The following TTC29 variants were observed in gnomAD, a reference collection of about 807,000 sequenced individuals.
The protein encoded by TTC29 is tetratricopeptide repeat domain 29, also known as tetratricopeptide repeat protein 29.
In TTC29, 49 loss-of-function variants were observed where a neutral mutation model predicts 58.1. That is an observed-to-expected ratio of 0.84 (90% CI 0.67 to 1.07). The LOEUF (loss-of-function observed/expected upper bound fraction) is 1.07. Ranked by LOEUF, TTC29 falls within the 50% of genes least tolerant of loss-of-function variation. The pLI is 0.00. For synonymous variants in TTC29, 209 were observed against 196.8 expected (o/e 1.06, Z -0.52); for missense variants, 582 against 555.6 (o/e 1.05, Z -0.48).
At chr4:146,916,601 G>C (rs1167325997) in intron 4 of TTC29, among the ~76,000 whole-genome samples, 1 of 151,504 alleles carries the variant, frequency 6.6e-6, no homozygotes, top group African/African-American at 2.4e-5. Flanking sequence ...TAGCAAGAAA[G>C]AAGTTTCAAT....
At chr4:146,732,092 G>T (rs1264690281) in intron 11 of TTC29, among the ~76,000 whole-genome samples, 1 of 152,116 alleles carries the variant, frequency 6.6e-6, no homozygotes, top group African/African-American at 2.4e-5. Context: ...ATGTAATTCT[G>T]AGTAGTGCTG....
At chr4:146,803,825 G>A (rs10434194) in intron 10 of TTC29, 140 bp from the exon 11 acceptor site, 35,508 of 613,908 alleles carry the variant, frequency 0.058, 1,415 homozygotes, top group Admixed American at 0.14. Flanking sequence ...CAGATGGCAA[G>A]CAGGCTATTA....
At chr4:146,873,634 G>T (rs1296518371) in intron 7 of TTC29, among the ~76,000 whole-genome samples, 3 of 152,166 alleles carry the variant, frequency 2.0e-5, no homozygotes, top group African/African-American at 7.2e-5. Context: ...TGCTGAAATT[G>T]ATATAAGAGC....
intron 6 of TTC29, among the ~76,000 whole-genome samples, chr4:146,899,452 T>C (rs751272672): frequency 6.6e-6 from 1 of 152,210 alleles, no homozygotes; most frequent in Non-Finnish European, 1.5e-5. Flanking sequence ...TGAAAGAAGA[T>C]ACAGCTGATT....
intron 9 of TTC29, among the ~76,000 whole-genome samples, chr4:146,831,021 T>C (rs1472542952): frequency 6.6e-6 from 1 of 152,172 alleles, no homozygotes; most frequent in Non-Finnish European, 1.5e-5. Flanking sequence ...ATTGAAATAA[T>C]ATGTGGAGGC....
chr4:146,778,482 T>A (rs942994413), intron 11 of TTC29, among the ~76,000 whole-genome samples: 2 of 152,158 alleles, frequency 1.3e-5, no homozygotes, highest in Admixed American at 1.3e-4. Context: ...ATCAATCCTA[T>A]AGATTCTGTC....
At position 146,802,708 on chromosome 4, in the gene TTC29, A is replaced by C. The variant is rs76966286; in HGVS notation, c.1330+749T>G. Among the ~76,000 whole-genome samples the C allele has an allele frequency of 9.5e-4, 145 of 152,330 alleles. 4 individuals are homozygous for C. In the East Asian group the frequency reaches 0.026, roughly 27 times the overall value. ...TACAAAAGGTTTGCCTTATGATTCC[A>C]TTTGAGTTATGCCAAAATATTTTAC... On this transcript the variant is annotated intron_variant, in intron 11 of 12. Coordinates refer to ENST00000325106, the MANE Select transcript of TTC29 (RefSeq NM_031956.4).
chr4:146,791,094 C>T (rs1009643532), intron 11 of TTC29, among the ~76,000 whole-genome samples: 7 of 152,146 alleles, frequency 4.6e-5, no homozygotes, highest in African/African-American at 1.4e-4. Context: ...ATTATATTCT[C>T]GACTGAGTTG....
At chr4:146,766,565 A>T (rs926844076) in intron 11 of TTC29, among the ~76,000 whole-genome samples, 2 of 152,100 alleles carry the variant, frequency 1.3e-5, no homozygotes, top group Non-Finnish European at 2.9e-5. Context: ...TAAAAAAATT[A>T]AAAAATGAAT....
intron 11 of TTC29, among the ~76,000 whole-genome samples, chr4:146,730,536 G>A (rs770891759): frequency 6.6e-6 from 1 of 152,150 alleles, no homozygotes; most frequent in Non-Finnish European, 1.5e-5. Flanking sequence ...TAAAGATTGA[G>A]CCATGGGTCA....
chr4:146,851,463 T>C (rs1729511841), intron 8 of TTC29, among the ~76,000 whole-genome samples: 1 of 152,128 alleles, frequency 6.6e-6, no homozygotes, highest in Non-Finnish European at 1.5e-5. Context: ...AAGGACCCCA[T>C]ACCCCTCCTC....
chr4:146,812,247 G>A (rs1220208471), intron 10 of TTC29, among the ~76,000 whole-genome samples: 5 of 151,992 alleles, frequency 3.3e-5, no homozygotes, highest in Admixed American at 6.6e-5. Flanking sequence ...AGAAACAAAA[G>A]TATAAATATC....
At chr4:146,846,582 A>G (rs191644738) in intron 8 of TTC29, among the ~76,000 whole-genome samples, 2 of 152,152 alleles carry the variant, frequency 1.3e-5, no homozygotes, top group African/African-American at 4.8e-5. Context: ...TGGCCACCTA[A>G]CCTTCTTCCT....
intron 4 of TTC29, chr4:146,934,210 A>G (rs1735575202): frequency 6.6e-6 from 1 of 152,242 alleles, no homozygotes; most frequent in Non-Finnish European, 1.5e-5. Context: ...TTATATGACC[A>G]TTTAAGCGAT....
At chr4:146,825,544 A>T (rs1196664119) in intron 9 of TTC29, among the ~76,000 whole-genome samples, 2 of 152,188 alleles carry the variant, frequency 1.3e-5, no homozygotes, top group Admixed American at 1.3e-4. Flanking sequence ...TTTTAGAATA[A>T]GTGCCATGTG....
intron 11 of TTC29, among the ~76,000 whole-genome samples, chr4:146,739,714 T>C (rs540844286): frequency 2.6e-5 from 4 of 152,338 alleles, no homozygotes; most frequent in African/African-American, 9.6e-5. Context: ...TATATTCATA[T>C]ATTCATACTT....
At chr4:146,783,027 A>G (rs1579661812) in intron 11 of TTC29, among the ~76,000 whole-genome samples, 1 of 152,108 alleles carries the variant, frequency 6.6e-6, no homozygotes, top group East Asian at 1.9e-4. Flanking sequence ...CATTTTTCAG[A>G]TATAAAAATT....
At chr4:146,749,660 G>A (rs1398878010) in intron 11 of TTC29, among the ~76,000 whole-genome samples, 2 of 152,136 alleles carry the variant, frequency 1.3e-5, no homozygotes, top group African/African-American at 2.4e-5. Flanking sequence ...CAAGTCCTGG[G>A]AGAGATAAGG....
intron 11 of TTC29, among the ~76,000 whole-genome samples, chr4:146,724,182 T>C (rs1743591688): frequency 6.6e-6 from 1 of 152,134 alleles, no homozygotes; most frequent in East Asian, 1.9e-4. Context: ...TGGGTACTCA[T>C]AGACATAAAG....
Sources: gnomAD v4.1 joint callset for allele counts (sites outside exome capture counted in the v4.1 genomes callset) on GRCh38, gnomAD v4.1.1 for gene constraint, MANE v1.5 for transcripts, NCBI Gene and HGNC (gene_info 2026-07-23, HGNC 2026-07-21) for gene names.